Variants in PARP3 observed in about 807,000 individuals in gnomAD.
The protein encoded by PARP3 is protein mono-ADP-ribosyltransferase PARP3.
A neutral mutation model predicts 58.2 loss-of-function variants in PARP3; 46 were observed. The ratio of observed to expected loss-of-function variants is 0.79; its 90% CI spans 0.62 to 1.01. The LOEUF (loss-of-function observed/expected upper bound fraction) is 1.01. PARP3 is among the 50% of genes least tolerant of loss of function. The pLI is 0.00. For missense variants in PARP3, 663 were observed against 683.9 expected, an observed-to-expected ratio of 0.97 and a Z score of 0.34; for synonymous variants, 252 against 266.4, an observed-to-expected ratio of 0.95 and a Z score of 0.53.
intron 1 of PARP3, chr3:51,942,950 A>G: frequency 2.1e-6 from 3 of 1,412,278 alleles, no homozygotes; most frequent in Middle Eastern, 2.5e-4. Context: ...CGGCCCGGCA[A>G]CCATGCCAGG....
rs2240922 is a variant in PARP3 at position 51,945,702 on chromosome 3, C to G, written c.1011+58C>G. On this transcript the variant is annotated intron_variant, in intron 7 of 10. Transcript: ENST00000398755. The stretch of plus-strand genomic sequence containing the variant: ...CAGTGGGCACTGTCCCTCTGCCCAC[C>G]TGCCCTCGAGGTGCCCAGAGGAATA... The G allele has an allele frequency of 6.3e-6, 10 of 1,587,684 alleles. No individual in the cohort carries two copies. In the East Asian group the frequency reaches 2.0e-4, roughly 32 times the overall value.
At position 51,945,034 on chromosome 3, in the gene PARP3, A is replaced by C; in HGVS notation, c.671A>C (p.Gln224Pro). The C allele has an allele frequency of 6.2e-7, 1 of 1,614,072 alleles. No individual in the cohort carries two copies. Among genetic ancestry groups the C allele is most frequent in the Admixed American group, 1.7e-5 (1 of 60,028 alleles). Residue 224 changes from glutamine to proline, a missense_variant, in exon 6 of 11, where the codon CAA becomes CCA. Transcript: ENST00000398755. ...KKMPLGKLSK[Q>P]QIARGFEALE... Reference sequence around the variant, plus strand: ...ATGCCCCTGGGAAAGCTGAGCAAGCAACAGATTGCACGGGGTTTCGAGGCC... The same window carrying C: ...ATGCCCCTGGGAAAGCTGAGCAAGCCACAGATTGCACGGGGTTTCGAGGCC...
chr3:51,946,434 C>A lies in PARP3; in HGVS notation c.1276+91C>A. ...GGCCACTGGAAATTCATGGTGAATC[C>A]AAGAGAGGAATCCTTTAATGGTTAA... On this transcript the variant is annotated intron_variant, in intron 9 of 10. Transcript: ENST00000398755. The surrounding 1 kb of genome is among the most constrained non-coding windows in gnomAD (Gnocchi z 4.6). 1 of 1,055,268 alleles carries A rather than the reference C, an allele frequency of 9.5e-7. No individual in the cohort carries two copies. Among genetic ancestry groups the A allele is most frequent in the Non-Finnish European group, 1.4e-6 (1 of 728,620 alleles). The allele number at this position is 1,055,268 out of a possible 1,614,324, so 65.4% of individuals were successfully genotyped here. A position where few individuals can be genotyped will look rare whatever the true frequency, so the allele number is the denominator to read the frequency against.
intron 2 of PARP3, 75 bp downstream of exon 2, chr3:51,943,613 G>T: frequency 1.4e-6 from 2 of 1,405,146 alleles, no homozygotes; most frequent in Non-Finnish European, 9.8e-7. Context: ...ACCCCCTTAG[G>T]ACTCTGTTCT....
chr3:51,944,229 G>A lies in PARP3; in HGVS notation c.312+12G>A. On this transcript the variant is annotated intron_variant, in intron 3 of 10. Transcript: ENST00000398755. The surrounding 1 kb of genome is among the most constrained non-coding windows in gnomAD (Gnocchi z 4.2). ...GCTGGGGCCGTGTGGTGAGTGCCCT[G>A]CCTGCTCTGCACATACTCCCCAGGG... The A allele has an allele frequency of 6.2e-7, 1 of 1,613,826 alleles. No individual in the cohort carries two copies.
Position 51,944,160 on chromosome 3 carries a change from C to T in PARP3, c.255C>T (p.Ile85=), listed in dbSNP as rs910827312. 35 of 1,614,046 alleles carry T rather than the reference C, an allele frequency of 2.2e-5. No homozygotes were observed. The highest frequency in any genetic ancestry group is 2.8e-5 in the Non-Finnish European group (33 of 1,179,968). The part of the protein sequence containing the change: ...IENNNNKFYI[I]QLLQDSNRFF... The stretch of plus-strand genomic sequence containing the variant: ...ACAACAACAACAAGTTCTACATCAT[C>T]CAGCTGCTCCAAGACAGCAACCGCT... The change falls in exon 3 of 11, where the codon ATC becomes ATT. Residue 85 remains isoleucine, a synonymous_variant. Transcript: ENST00000398755. This position sits in a 1 kb window ranked among gnomAD's most constrained non-coding sequence, Gnocchi z 4.2.
Position 51,946,067 on chromosome 3 carries a change from G to C in PARP3, c.1099-99G>C. ...TTCTGCCGGCCATGAGTGCGCGTGA[G>C]TAAGCAGAGGGACACTAGGCCTTGG... On this transcript the variant is annotated intron_variant, in intron 8 of 10. Coordinates refer to ENST00000398755, the MANE Select transcript of PARP3 (RefSeq NM_001003931.4). The surrounding 1 kb of genome is among the most constrained non-coding windows in gnomAD (Gnocchi z 4.6). 7.4e-7 allele frequency: 1 copy of C among 1,355,262 alleles called. No homozygotes were observed. The highest frequency in any genetic ancestry group is 1.0e-6 in the Non-Finnish European group (1 of 960,034). The allele number at this position is 1,355,262 out of a possible 1,614,324, so 84.0% of individuals were successfully genotyped here.
Position 51,944,573 on chromosome 3 carries a change from G to A in PARP3, c.496G>A (p.Val166Met), listed in dbSNP as rs747949223. The A allele has an allele frequency of 1.2e-6, 2 of 1,614,048 alleles. No homozygotes were observed. The highest frequency in any genetic ancestry group is 2.2e-5 in the South Asian group (2 of 91,080). The change falls in exon 4 of 11, where the codon GTG (valine) becomes ATG (methionine). Residue 166 changes from valine (V) to methionine (M), a missense_variant. Around this residue, in one of 3 missense-constraint regions of PARP3, gnomAD observed 567 missense variants for 553.6 expected, o/e 1.02. Transcript: ENST00000398755. The surrounding 1 kb of genome is among the most constrained non-coding windows in gnomAD (Gnocchi z 4.2). ...AGAGGATGAGGCCCAGGAAGCTGTG[G>A]TGAAGGTGAGATGGCCAAGGAAGGT... The part of the protein sequence containing the change: ...QAEDEAQEAV[V>M]KVDRGPVRTV...
chr3:51,947,655 G>A, intron 9 of PARP3, 85 bp from the exon 10 acceptor site: 1 of 1,441,396 alleles, frequency 6.9e-7, no homozygotes. Context: ...AAAGCCAGAA[G>A]GAATAACATC....
At position 51,948,385 on chromosome 3, in the gene PARP3, C is replaced by T. The variant is rs1221792345; in HGVS notation, c.1507C>T (p.Pro503Ser). The change falls in exon 11 of 11, where the codon CCA becomes TCA. Residue 503 changes from proline (P) to serine (S), a missense_variant. This residue lies in a region of PARP3 where 88 missense variants were observed against 109.1 expected (regional missense o/e 0.81). Coordinates refer to ENST00000398755, the MANE Select transcript of PARP3 (RefSeq NM_001003931.4). ...GCCCCAGGGCCAGCCTGTGCCCTGC[C>T]CAGAGTTCAGCAGCTCCACATTCTC... ...VVPQGQPVPC[P>S]EFSSSTFSQS... 3 of 1,614,122 alleles carry T rather than the reference C, an allele frequency of 1.9e-6. No individual in the cohort carries two copies. The highest frequency in any genetic ancestry group is 2.5e-6 in the Non-Finnish European group (3 of 1,179,958).
Position 51,944,356 on chromosome 3 carries a change from T to G in PARP3, c.313-34T>G. The G allele has an allele frequency of 6.2e-7, 1 of 1,612,206 alleles. No homozygotes were observed. Among genetic ancestry groups the G allele is most frequent in the Non-Finnish European group, 8.5e-7 (1 of 1,179,088 alleles). On this transcript the variant is annotated intron_variant, in intron 3 of 10. Coordinates refer to ENST00000398755, the MANE Select transcript of PARP3 (RefSeq NM_001003931.4). This position sits in a 1 kb window ranked among gnomAD's most constrained non-coding sequence, Gnocchi z 4.2. The stretch of plus-strand genomic sequence containing the variant: ...CGACACACAGGCCAGCAAATGCTGA[T>G]GGTGGGCATACCCCTGAAGGCTGTC...
In PARP3 at chr3:51,944,468, G is replaced by A; in HGVS notation, c.391G>A (p.Glu131Lys). The change falls in exon 4 of 11, where the codon GAA becomes AAA. Residue 131 changes from glutamate (E) to lysine (K), a missense_variant. Coordinates refer to ENST00000398755, the MANE Select transcript of PARP3 (RefSeq NM_001003931.4). The surrounding 1 kb of genome is among the most constrained non-coding windows in gnomAD (Gnocchi z 4.2). ...GAAGGACTTTGAGAAGAAATTTCGG[G>A]AAAAGACCAAGAACAACTGGGCAGA... ...AKKDFEKKFR[E>K]KTKNNWAERD... 6.2e-7 allele frequency: 1 copy of A among 1,614,168 alleles called. No homozygotes were observed. The highest frequency in any genetic ancestry group is 2.2e-5 in the East Asian group (1 of 44,882).
chr3:51,942,830 A>G, intron 1 of PARP3, 122 bp downstream of exon 1: 3 of 1,472,884 alleles, frequency 2.0e-6, no homozygotes, highest in Non-Finnish European at 2.7e-6. Flanking sequence ...TCTTGAGTCC[A>G]TTGGGAAGGG....
intron 1 of PARP3, 52 bp downstream of exon 1, chr3:51,942,760 ACTGGCCTTTGCCCTCTAT>A: frequency 6.5e-7 from 1 of 1,548,904 alleles, no homozygotes; most frequent in Non-Finnish European, 8.7e-7. Flanking sequence ...GCCTGGTGGG[ACTGGCCTTTGCCCTCTAT>A]CAGTTCAAGG....
intron 1 of PARP3, chr3:51,943,097 C>A (rs1699583264): frequency 1.6e-6 from 2 of 1,231,498 alleles, no homozygotes; most frequent in African/African-American, 1.5e-5. Flanking sequence ...CCAGAGTGGG[C>A]AGACTGGACA....
chr3:51,948,755 G>A lies in PARP3; in HGVS notation c.*275G>A. 2.3e-6 allele frequency: 1 copy of A among 425,952 alleles called. No individual in the cohort carries two copies. Among genetic ancestry groups the A allele is most frequent in the Non-Finnish European group, 4.2e-6 (1 of 238,272 alleles). 26.4% of individuals were successfully genotyped at this position (425,952 alleles called of 1,614,324 possible). On this transcript the variant is annotated 3_prime_UTR_variant, in exon 11 of 11. Transcript: ENST00000398755. ...AGGGCAGCTTTTATAGGTTCCACATGTAAGTGAGATCATGCAGTGTTTGTC... is the reference window on the plus strand; with the variant it reads ...AGGGCAGCTTTTATAGGTTCCACATATAAGTGAGATCATGCAGTGTTTGTC...
chr3:51,944,038 G>C lies in PARP3; in HGVS notation c.184-51G>C. On this transcript the variant is annotated intron_variant, in intron 2 of 10. Transcript: ENST00000398755. The surrounding 1 kb of genome is among the most constrained non-coding windows in gnomAD (Gnocchi z 4.2). ...CAGAGCCCTCTCGGTGTACGGCCAG[G>C]CACCCCATCTGACCCCAGCCAGCCT... is the stretch of plus-strand genomic sequence containing the variant. 6.3e-7 allele frequency: 1 copy of C among 1,580,590 alleles called. No individual in the cohort carries two copies. The highest frequency in any genetic ancestry group is 8.6e-7 in the Non-Finnish European group (1 of 1,160,682).
intron 7 of PARP3, 79 bp downstream of exon 7, chr3:51,945,723 G>C: frequency 6.4e-7 from 1 of 1,556,278 alleles, no homozygotes; most frequent in Admixed American, 1.7e-5. Flanking sequence ...GTGCCCAGAG[G>C]AATACTCGCC....
rs375724604 is a variant in PARP3 at position 51,945,149 on chromosome 3, G to A, written c.786G>A (p.Pro262=). 1.7e-5 allele frequency: 28 copies of A among 1,613,940 alleles called. No homozygotes were observed. In the Middle Eastern group the frequency reaches 4.9e-4, roughly 28 times the overall value. Residue 262 remains proline, a synonymous_variant, in exon 6 of 11, where the codon CCG becomes CCA. Transcript: ENST00000398755. ...ELSSHFYTVI[P]HNFGHSQPPP... is the part of the protein sequence containing the mutation. ...CCTCACACTTTTACACCGTCATCCC[G>A]CACAACTTCGGCCACAGCCAGCCCC... is the stretch of plus-strand genomic sequence containing the variant.
Sources: gnomAD v4.1 joint callset for allele counts on GRCh38, gnomAD v4.1.1 for gene constraint, gnomAD v4.1.1 regional missense constraint, Gnocchi (gnomAD v3.1) non-coding constraint, MANE v1.5 for transcripts, NCBI Gene and HGNC (gene_info 2026-07-23, HGNC 2026-07-21) for gene names.